VTI1A: variants seen among roughly 807,000 people sequenced by gnomAD.
VTI1A encodes vesicle transport through interaction with t-SNAREs homolog 1A.
In VTI1A, 22 loss-of-function variants were observed where a neutral mutation model predicts 34.9. The ratio of observed to expected loss-of-function variants is 0.63; its 90% confidence interval spans 0.45 to 0.90. VTI1A has a LOEUF of 0.90. Among genes scored for constraint, VTI1A ranks in the 40% least tolerant of loss-of-function variants. The pLI is 0.00. For synonymous variants in VTI1A, 87 were observed against 97.3 expected (o/e 0.89, Z 0.62); for missense variants, 268 against 275.6 (o/e 0.97, Z 0.20).
chr10:112,577,401 T>C (rs549142490), intron 5 of VTI1A, among the ~76,000 whole-genome samples: 1 of 152,298 alleles, frequency 6.6e-6, no homozygotes, highest in Admixed American at 6.5e-5. Flanking sequence ...AATATCTAAA[T>C]ATATAATTGT....
chr10:112,835,957 G>T, the VTI1A span, among the ~76,000 whole-genome samples: 1 of 152,168 alleles, frequency 6.6e-6, no homozygotes, highest in South Asian at 2.1e-4. Flanking sequence ...ATTATTTGTT[G>T]CTTTCACTGC....
chr10:112,829,457 A>AC, the VTI1A span, among the ~76,000 whole-genome samples: 1 of 142,796 alleles, frequency 7.0e-6, no homozygotes, highest in African/African-American at 2.6e-5. Context: ...AAAAAAAAAA[A>AC]ATCTATTGAT....
At chr10:112,454,277 C>A (rs1051114061) in intron 1 of VTI1A, among the ~76,000 whole-genome samples, 2 of 152,144 alleles carry the variant, frequency 1.3e-5, no homozygotes, top group African/African-American at 4.8e-5. Flanking sequence ...TTAAGCACTT[C>A]TGTAAATATC....
chr10:112,746,429 C>T (rs1033216913), intron 7 of VTI1A, among the ~76,000 whole-genome samples: 1 of 152,186 alleles, frequency 6.6e-6, no homozygotes, highest in African/African-American at 2.4e-5. Flanking sequence ...AGAAAAAAGC[C>T]TTTCTGTCTG....
intron 4 of VTI1A, among the ~76,000 whole-genome samples, chr10:112,530,732 A>C (rs1166776002): frequency 6.6e-6 from 1 of 152,304 alleles, no homozygotes; most frequent in East Asian, 1.9e-4. Flanking sequence ...CTTGCTGTGC[A>C]TAAAGTGTGT....
intron 5 of VTI1A, among the ~76,000 whole-genome samples, chr10:112,624,777 G>C (rs1343433661): frequency 1.3e-5 from 2 of 152,100 alleles, no homozygotes; most frequent in African/African-American, 4.8e-5. Context: ...TTCTTCACTT[G>C]AATAATTGGA....
intron 5 of VTI1A, among the ~76,000 whole-genome samples, chr10:112,579,541 A>T (rs559875273): frequency 1.3e-5 from 2 of 152,320 alleles, no homozygotes; most frequent in South Asian, 2.1e-4. Flanking sequence ...GTCTTTTAAA[A>T]TAAAAACTAA....
chr10:112,749,428 A>G (rs77685712), intron 7 of VTI1A, among the ~76,000 whole-genome samples: 1 of 152,360 alleles, frequency 6.6e-6, no homozygotes, highest in Non-Finnish European at 1.5e-5. Context: ...AGTCTACAAT[A>G]CATCTGAATT....
At chr10:112,810,656 C>T (rs1405010464) in intron 7 of VTI1A, among the ~76,000 whole-genome samples, 1 of 152,174 alleles carries the variant, frequency 6.6e-6, no homozygotes, top group Non-Finnish European at 1.5e-5. Context: ...GTTACCATGG[C>T]CAGGGGCATG....
At chr10:112,830,849 A>ATATATATATATATATATTT in the VTI1A span, among the ~76,000 whole-genome samples, 30 of 33,474 alleles carry the variant, frequency 9.0e-4, no homozygotes, top group South Asian at 1.6e-3. Context: ...ATATATATAT[A>ATATATATATATATATATTT]TTTTTTTTTT....
At chr10:112,465,538 A>G (rs1847867795) in intron 3 of VTI1A, among the ~76,000 whole-genome samples, 1 of 152,260 alleles carries the variant, frequency 6.6e-6, no homozygotes, top group Non-Finnish European at 1.5e-5. Flanking sequence ...TAAAAAAGAA[A>G]GGAAATTCTG....
intron 7 of VTI1A, among the ~76,000 whole-genome samples, chr10:112,684,366 C>G (rs1409924222): frequency 2.0e-5 from 3 of 151,300 alleles, no homozygotes; most frequent in East Asian, 1.9e-4. Flanking sequence ...TACAGTGAAG[C>G]TATGTATCTT....
At chr10:112,528,633 C>G (rs1478122557) in intron 4 of VTI1A, among the ~76,000 whole-genome samples, 1 of 152,146 alleles carries the variant, frequency 6.6e-6, no homozygotes, top group African/African-American at 2.4e-5. Context: ...TTAGATTGCT[C>G]ATACCTCTTG....
At chr10:112,779,146 A>T (rs1255658118) in intron 7 of VTI1A, among the ~76,000 whole-genome samples, 1 of 152,216 alleles carries the variant, frequency 6.6e-6, no homozygotes, top group Non-Finnish European at 1.5e-5. Flanking sequence ...GAGTGATATT[A>T]CCAATATTTC....
chr10:112,689,465 A>G (rs984183882), intron 7 of VTI1A, among the ~76,000 whole-genome samples: 4 of 152,040 alleles, frequency 2.6e-5, no homozygotes, highest in Admixed American at 6.6e-5. Context: ...ACTCCAGGAG[A>G]CATGGGTGGG....
At position 112,817,466 on chromosome 10, in the gene VTI1A, T is replaced by C. The variant is rs1853557528; in HGVS notation, c.*2083T>C. The C allele has an allele frequency of 4.3e-6, 1 of 230,804 alleles. No individual in the cohort carries two copies. Among genetic ancestry groups the C allele is most frequent in the South Asian group, 1.8e-4 (1 of 5,516 alleles). The allele number at this position is 230,804 out of a possible 1,614,324, so 14.3% of individuals were successfully genotyped here. On this transcript the variant is annotated 3_prime_UTR_variant, in exon 8 of 8. Transcript: ENST00000393077. ...TTTTCGTTCAAGTTCTATGTCTTTATCAGCTCTTGCCTGTGATTTTACCCC... is the reference window on the plus strand; with the variant it reads ...TTTTCGTTCAAGTTCTATGTCTTTACCAGCTCTTGCCTGTGATTTTACCCC...
chr10:112,591,519 C>CACACACAA (rs902967776), intron 5 of VTI1A, among the ~76,000 whole-genome samples: 4 of 23,244 alleles, frequency 1.7e-4, no homozygotes, highest in Non-Finnish European at 4.5e-4. Flanking sequence ...GACTCCGTCT[C>CACACACAA]ACACACACAC....
intron 5 of VTI1A, among the ~76,000 whole-genome samples, chr10:112,621,251 TA>T (rs1845721638): frequency 6.6e-6 from 1 of 152,226 alleles, no homozygotes; most frequent in East Asian, 1.9e-4. Context: ...CAAGGCTGCG[TA>T]CTGCACTCCT....
intron 5 of VTI1A, among the ~76,000 whole-genome samples, chr10:112,570,780 C>T (rs537364971): frequency 1.2e-4 from 19 of 152,250 alleles, no homozygotes; most frequent in Non-Finnish European, 2.5e-4. Context: ...GTATCCCTCT[C>T]AGCATTTTCC....
Sources: gnomAD v4.1 joint callset for allele counts (sites outside exome capture counted in the v4.1 genomes callset) on GRCh38, gnomAD v4.1.1 for gene constraint, MANE v1.5 for transcripts, NCBI Gene and HGNC (gene_info 2026-07-23, HGNC 2026-07-21) for gene names.